The following NTN4 variants were observed in gnomAD, a reference collection of about 807,000 sequenced individuals.
NTN4 encodes netrin-4.
Under a neutral mutation model 73.6 loss-of-function variants are expected in NTN4, and 32 were observed. The ratio of observed to expected loss-of-function variants is 0.44; its 90% CI spans 0.33 to 0.58. NTN4 has a LOEUF of 0.58. Ranked by LOEUF, NTN4 falls within the 20% of genes least tolerant of loss-of-function variation. The pLI is 0.04. For synonymous variants in NTN4, 258 were observed against 287.5 expected, an observed-to-expected ratio of 0.90 and a Z score of 1.04; for missense variants, 654 against 798.3, an observed-to-expected ratio of 0.82 and a Z score of 2.18.
chr12:95,729,613 AAG>A (rs59395729), intron 3 of NTN4, among the ~76,000 whole-genome samples: 5,029 of 137,874 alleles, frequency 0.036, 112 homozygotes, highest in South Asian at 0.049. Context: ...AATTATTATA[AAG>A]AGAGAGAGAG....
chr12:95,755,401 G>A (rs2078940962), intron 2 of NTN4, among the ~76,000 whole-genome samples: 1 of 152,196 alleles, frequency 6.6e-6, no homozygotes, highest in South Asian at 2.1e-4. Flanking sequence ...GGAAAGAGAA[G>A]GCTGGACTAG....
rs2079122286 is a variant in NTN4 at position 95,780,189 on chromosome 12, TA to T, written c.585+6749del. On this transcript the variant is annotated intron_variant, in intron 2 of 9. Coordinates refer to ENST00000343702, the MANE Select transcript of NTN4 (RefSeq NM_021229.4). Reference sequence around the variant, plus strand: ...GACTTAAATGTTAGACCTAAAACCATAAAAACCCTAGAAGAAAACCTAGGCA... The same window carrying T: ...GACTTAAATGTTAGACCTAAAACCATAAAACCCTAGAAGAAAACCTAGGCA... Among the ~76,000 whole-genome samples, 6 of 152,122 alleles carry T rather than the reference TA, an allele frequency of 3.9e-5. No individual in the cohort carries two copies. In the South Asian group the frequency reaches 1.2e-3, roughly 32 times the overall value.
intron 3 of NTN4, among the ~76,000 whole-genome samples, chr12:95,724,384 C>T (rs1348101081): frequency 6.6e-6 from 1 of 152,130 alleles, no homozygotes; most frequent in Non-Finnish European, 1.5e-5. Flanking sequence ...TGACTACTGG[C>T]CTTTTAAAAA....
intron 2 of NTN4, among the ~76,000 whole-genome samples, chr12:95,761,543 G>A (rs1286769758): frequency 6.6e-6 from 1 of 152,030 alleles, no homozygotes; most frequent in Non-Finnish European, 1.5e-5. Flanking sequence ...ATGTTGGCCA[G>A]GCTGGTCTCG....
intron 2 of NTN4, among the ~76,000 whole-genome samples, chr12:95,751,702 G>A (rs1159555867): frequency 6.6e-6 from 1 of 152,000 alleles, no homozygotes; most frequent in African/African-American, 2.4e-5. Flanking sequence ...CGGACGCCAA[G>A]CTTCAGGTAA....
intron 2 of NTN4, among the ~76,000 whole-genome samples, chr12:95,761,738 C>A (rs2078989875): frequency 6.6e-6 from 1 of 152,168 alleles, no homozygotes; most frequent in South Asian, 2.1e-4. Flanking sequence ...AAACGATAAA[C>A]CATGAACACA....
chr12:95,761,290 A>T (rs2078984757), intron 2 of NTN4, among the ~76,000 whole-genome samples: 1 of 149,056 alleles, frequency 6.7e-6, no homozygotes, highest in African/African-American at 2.4e-5. Flanking sequence ...TGCATAGTAA[A>T]AGTGAATTTT....
At chr12:95,738,750 G>C (rs1159405081) in intron 2 of NTN4, among the ~76,000 whole-genome samples, 1 of 152,172 alleles carries the variant, frequency 6.6e-6, no homozygotes, top group East Asian at 1.9e-4. Context: ...AGTATGAAAA[G>C]GAAAGAATCG....
chr12:95,662,760 G>C (rs2078148352), intron 9 of NTN4, among the ~76,000 whole-genome samples: 1 of 152,246 alleles, frequency 6.6e-6, no homozygotes, highest in Non-Finnish European at 1.5e-5. Context: ...GCCTTAAATT[G>C]TTTGTATAAT....
rs1395587453 is a variant in NTN4, at chr12:95,790,246, A to G, written c.55+9T>C. On this transcript the variant is annotated intron_variant, in intron 1 of 9. Coordinates refer to ENST00000343702, the MANE Select transcript of NTN4 (RefSeq NM_021229.4). The surrounding 1 kb of genome is among the most constrained non-coding windows in gnomAD (Gnocchi z 6.5). ...GAAGGGGTGGGGGCCCCGCCGCGTC[A>G]CCACCCACCTGCGGCCACCACCGTG... The G allele has an allele frequency of 5.1e-5, 78 of 1,531,560 alleles. No individual in the cohort carries two copies. Among genetic ancestry groups the G allele is most frequent in the Non-Finnish European group, 6.3e-5 (72 of 1,139,042 alleles). The allele number at this position is 1,531,560 out of a possible 1,614,324, so 94.9% of individuals were successfully genotyped here.
intron 2 of NTN4, among the ~76,000 whole-genome samples, chr12:95,782,505 C>T (rs2079140542): frequency 1.3e-5 from 2 of 152,064 alleles, no homozygotes; most frequent in African/African-American, 4.8e-5. Flanking sequence ...ACCATGTTGG[C>T]CAGGCTGGTC....
intron 2 of NTN4, among the ~76,000 whole-genome samples, chr12:95,772,287 A>G (rs1236229247): frequency 1.3e-5 from 2 of 152,068 alleles, no homozygotes; most frequent in Non-Finnish European, 2.9e-5. Context: ...CAATCCACCC[A>G]CTTCAGCCTC....
Position 95,781,416 on chromosome 12 carries a change from C to G in NTN4, c.585+5523G>C, listed in dbSNP as rs1250244361. Among the ~76,000 whole-genome samples the G allele has an allele frequency of 1.3e-5, 2 of 152,206 alleles. No individual in the cohort carries two copies. The highest frequency in any genetic ancestry group is 1.3e-4 in the Admixed American group (2 of 15,282). On this transcript the variant is annotated intron_variant, in intron 2 of 9. Transcript: ENST00000343702. This position sits in a 1 kb window ranked among gnomAD's most constrained non-coding sequence, Gnocchi z 4.1. ...CTCATAGTCCTTGTCACTGTCCATT[C>G]TATCAAACACAAATCCTTCAATCTG...
At chr12:95,743,648 A>G (rs1459664428) in intron 2 of NTN4, among the ~76,000 whole-genome samples, 3 of 152,212 alleles carry the variant, frequency 2.0e-5, no homozygotes, top group Non-Finnish European at 4.4e-5. Context: ...GATTTCCCAG[A>G]TACCTTCCTG....
chr12:95,711,699 G>A (rs1592679545), intron 4 of NTN4, among the ~76,000 whole-genome samples: 1 of 152,198 alleles, frequency 6.6e-6, no homozygotes, highest in Non-Finnish European at 1.5e-5. Flanking sequence ...TTCTTCAAAG[G>A]CATTTCTAAG....
Position 95,742,365 on chromosome 12 carries a change from T to TAAA in NTN4, c.586-4224_586-4222dup, listed in dbSNP as rs58390951. 1.4e-3 allele frequency among the ~76,000 whole-genome samples: 196 copies of TAAA among 136,550 alleles called. 1 individual carries two copies. Among genetic ancestry groups the TAAA allele is most frequent in the African/African-American group, 5.0e-3 (186 of 37,118 alleles). The allele number at this position is 136,550 out of a possible 152,430, so 89.6% of individuals were successfully genotyped here. ...AAAAATTAGCCAGGCATGGTGGCGT[T>TAAA]AAAAAAAAAAAAAAGCATGCTATAT... On this transcript the variant is annotated intron_variant, in intron 2 of 9. Transcript: ENST00000343702.
chr12:95,667,850 A>G (rs1386578888), intron 8 of NTN4, among the ~76,000 whole-genome samples: 1 of 147,948 alleles, frequency 6.8e-6, no homozygotes, highest in Non-Finnish European at 1.5e-5. Context: ...ACAGAGCAAA[A>G]CTCCATCTCT....
chr12:95,676,469 A>G (rs961486769), intron 7 of NTN4, among the ~76,000 whole-genome samples: 21 of 152,066 alleles, frequency 1.4e-4, no homozygotes, highest in African/African-American at 5.1e-4. Flanking sequence ...ATCCTAGACA[A>G]CTCAATGGAT....
chr12:95,697,020 A>T (rs1456363546), intron 5 of NTN4, among the ~76,000 whole-genome samples: 3 of 152,042 alleles, frequency 2.0e-5, no homozygotes, highest in South Asian at 4.1e-4. Flanking sequence ...AAATAAAAAA[A>T]AAAAATTAGC....
Sources: allele counts gnomAD v4.1 joint callset (sites outside exome capture counted in the v4.1 genomes callset), GRCh38; gene constraint gnomAD v4.1.1; non-coding constraint Gnocchi (gnomAD v3.1); transcripts MANE v1.5; gene names NCBI Gene and HGNC (gene_info 2026-07-23, HGNC 2026-07-21).